Variants in CSMD1 observed in about 807,000 individuals in gnomAD.
CSMD1 encodes CUB and sushi domain-containing protein 1.
A neutral mutation model predicts 417.5 loss-of-function variants in CSMD1; 213 were observed. That is an observed-to-expected ratio of 0.51 (90% CI 0.46 to 0.57). The LOEUF is 0.57. Among genes scored for constraint, CSMD1 ranks in the 20% least tolerant of loss-of-function variants. The pLI is 0.00. For synonymous variants in CSMD1, 2,862 were observed against 1,736.8 expected (o/e 1.65, Z -16.11); for missense variants, 6,923 against 4,529.7 (o/e 1.53, Z -15.17).
intron 26 of CSMD1, among the ~76,000 whole-genome samples, chr8:3,258,232 G>A (rs1800801817): frequency 6.6e-6 from 1 of 152,080 alleles, no homozygotes; most frequent in Non-Finnish European, 1.5e-5. Context: ...CATCTATAAG[G>A]AACTTGGACA....
intron 10 of CSMD1, among the ~76,000 whole-genome samples, chr8:3,557,956 G>A (rs952529379): frequency 9.2e-5 from 14 of 152,148 alleles, no homozygotes; most frequent in African/African-American, 3.4e-4. Flanking sequence ...ATTGTGGAAT[G>A]TGTGCTACTA....
At position 2,978,471 on chromosome 8, in the gene CSMD1, A is replaced by G. The variant is rs558764832; in HGVS notation, c.8566+141T>C. On this transcript the variant is annotated intron_variant, in intron 55 of 69. Transcript: ENST00000635120. ...ATTTCTGGCCACTCGATCTACAGCT[A>G]TCATAAAAACTCCTACAATTGGTGA... 4.4e-5 allele frequency: 29 copies of G among 661,614 alleles called. No individual in the cohort carries two copies. In the East Asian group the frequency reaches 7.0e-4, roughly 16 times the overall value. 41.0% of individuals were successfully genotyped at this position (661,614 alleles called of 1,614,324 possible). A position where few individuals can be genotyped will look rare whatever the true frequency, so the allele number is the denominator to read the frequency against.
intron 41 of CSMD1, chr8:3,127,762 G>C (rs1002917923): frequency 2.6e-5 from 4 of 151,924 alleles, no homozygotes; most frequent in African/African-American, 2.4e-5. Flanking sequence ...CATTGAATAA[G>C]TTTTCTTTCC....
chr8:2,963,961 TG>T (rs534444746), intron 59 of CSMD1, among the ~76,000 whole-genome samples: 1 of 152,304 alleles, frequency 6.6e-6, no homozygotes, highest in South Asian at 2.1e-4. Flanking sequence ...GTCCACTTTA[TG>T]GGGCTGAGAA....
At chr8:4,168,044 G>A (rs1010109274) in intron 3 of CSMD1, among the ~76,000 whole-genome samples, 35 of 151,936 alleles carry the variant, frequency 2.3e-4, no homozygotes, top group African/African-American at 8.2e-4. Context: ...CCGTAGAATT[G>A]CTTGAAACCA....
intron 2 of CSMD1, among the ~76,000 whole-genome samples, chr8:4,425,494 T>C (rs576376693): frequency 6.6e-5 from 10 of 152,230 alleles, no homozygotes; most frequent in South Asian, 2.1e-4. Context: ...TAAATGTTTA[T>C]AGCCATTTAC....
intron 3 of CSMD1, among the ~76,000 whole-genome samples, chr8:4,201,478 C>CA (rs1665127248): frequency 8.0e-6 from 1 of 124,936 alleles, no homozygotes; most frequent in African/African-American, 3.0e-5. Context: ...GCGGAGCTTG[C>CA]AGTGAGCCGA....
chr8:4,779,599 C>A (rs375009353), intron 1 of CSMD1, among the ~76,000 whole-genome samples: 3 of 152,324 alleles, frequency 2.0e-5, no homozygotes, highest in East Asian at 3.9e-4. Context: ...ACACAGGAAG[C>A]ATTAGCTGTA....
chr8:3,314,538 T>TTAAG (rs537112681), intron 23 of CSMD1, among the ~76,000 whole-genome samples: 1 of 152,220 alleles, frequency 6.6e-6, no homozygotes, highest in African/African-American at 2.4e-5. Context: ...CAAAGCACTA[T>TTAAG]TAAGTATTAT....
At chr8:4,653,900 T>C (rs1190068925) in intron 1 of CSMD1, among the ~76,000 whole-genome samples, 1 of 151,890 alleles carries the variant, frequency 6.6e-6, no homozygotes, top group South Asian at 2.1e-4. Context: ...ATCTCAGTAG[T>C]CTCAGTAGTC....
At chr8:4,253,434 G>A (rs551710818) in intron 3 of CSMD1, among the ~76,000 whole-genome samples, 1 of 151,908 alleles carries the variant, frequency 6.6e-6, no homozygotes, top group Non-Finnish European at 1.5e-5. Flanking sequence ...CCAGAACATA[G>A]CGGAACACCA....
chr8:3,451,421 T>C (rs1395161638), intron 12 of CSMD1, among the ~76,000 whole-genome samples: 1 of 152,152 alleles, frequency 6.6e-6, no homozygotes, highest in Non-Finnish European at 1.5e-5. Flanking sequence ...ATTGCCTAGG[T>C]GTTCTTCTAG....
At chr8:3,348,923 T>C (rs745434752) in intron 21 of CSMD1, among the ~76,000 whole-genome samples, 1 of 152,174 alleles carries the variant, frequency 6.6e-6, no homozygotes, top group Non-Finnish European at 1.5e-5. Flanking sequence ...AGGTCAAGAA[T>C]GCTTTCAGCT....
chr8:4,245,609 G>C (rs1022100747), intron 3 of CSMD1, among the ~76,000 whole-genome samples: 3 of 152,108 alleles, frequency 2.0e-5, no homozygotes, highest in Non-Finnish European at 4.4e-5. Flanking sequence ...GGTTCCTCTG[G>C]TCAACAATGT....
chr8:3,528,465 C>G (rs2117494090), intron 10 of CSMD1, among the ~76,000 whole-genome samples: 1 of 152,314 alleles, frequency 6.6e-6, no homozygotes, highest in African/African-American at 2.4e-5. Flanking sequence ...CTTGCTTCAG[C>G]TTCCAAACCT....
intron 59 of CSMD1, 90 bp from the exon 60 acceptor site, chr8:2,963,485 T>C (rs1013692271): frequency 3.0e-6 from 4 of 1,342,672 alleles, no homozygotes; most frequent in Non-Finnish European, 4.2e-6. Context: ...TTTACCTGAA[T>C]TACAAATGAC....
At chr8:3,877,292 A>G (rs1805889224) in intron 5 of CSMD1, among the ~76,000 whole-genome samples, 1 of 152,082 alleles carries the variant, frequency 6.6e-6, no homozygotes, top group Admixed American at 6.5e-5. Flanking sequence ...GTGAAAGGAA[A>G]CTTCTGCATG....
chr8:4,898,754 T>C (rs1330352463), intron 1 of CSMD1, among the ~76,000 whole-genome samples: 1 of 152,166 alleles, frequency 6.6e-6, no homozygotes, highest in Non-Finnish European at 1.5e-5. Flanking sequence ...GTAAATTTAG[T>C]TCATCGTTGG....
chr8:3,933,793 A>G (rs1219009619), intron 5 of CSMD1, among the ~76,000 whole-genome samples: 4 of 152,234 alleles, frequency 2.6e-5, no homozygotes, highest in Non-Finnish European at 5.9e-5. Flanking sequence ...ATTTATTTTT[A>G]TAATTCAGAT....
Sources: allele counts gnomAD v4.1 joint callset (sites outside exome capture counted in the v4.1 genomes callset), GRCh38; gene constraint gnomAD v4.1.1; transcripts MANE v1.5; gene names NCBI Gene and HGNC (gene_info 2026-07-23, HGNC 2026-07-21).